The following MACROD2 variants were observed in gnomAD, a reference collection of about 807,000 sequenced individuals.
MACROD2 encodes the protein mono-ADP ribosylhydrolase 2.
Under a neutral mutation model 70.4 loss-of-function variants are expected in MACROD2, and 36 were observed. That is an observed-to-expected ratio of 0.51 (90% CI 0.39 to 0.68). MACROD2 has a LOEUF of 0.68. Among genes scored for constraint, MACROD2 ranks in the 30% least tolerant of loss-of-function variants. The probability of loss-of-function intolerance (pLI) is 0.00; values close to 1 mark genes in which losing one functional copy is unlikely to be tolerated. For synonymous variants in MACROD2, 172 were observed against 178.8 expected, an observed-to-expected ratio of 0.96 and a Z score of 0.30; for missense variants, 496 against 538.4, an observed-to-expected ratio of 0.92 and a Z score of 0.78.
At chr20:14,761,047 C>T (rs62204774) in intron 5 of MACROD2, among the ~76,000 whole-genome samples, 8,736 of 152,120 alleles carry the variant, frequency 0.057, 363 homozygotes, top group Middle Eastern at 0.085. Context: ...ACCTCCTCAT[C>T]GCACAGCTCA....
intron 5 of MACROD2, among the ~76,000 whole-genome samples, chr20:14,794,509 A>G (rs1342691707): frequency 6.6e-6 from 1 of 152,156 alleles, no homozygotes; most frequent in Non-Finnish European, 1.5e-5. Flanking sequence ...TATTAAATGC[A>G]AACACTTTTC....
At chr20:15,401,211 TG>T (rs760051528) in intron 6 of MACROD2, among the ~76,000 whole-genome samples, 48 of 152,200 alleles carry the variant, frequency 3.2e-4, no homozygotes, top group South Asian at 6.2e-4. Context: ...CTAATTTTTT[TG>T]TATTTTTAGT....
intron 5 of MACROD2, among the ~76,000 whole-genome samples, chr20:14,931,650 A>G (rs1219481670): frequency 6.6e-6 from 1 of 152,144 alleles, no homozygotes; most frequent in Non-Finnish European, 1.5e-5. Context: ...AATAAATATC[A>G]TCCCTCCCAC....
intron 15 of MACROD2, among the ~76,000 whole-genome samples, chr20:16,014,706 C>T (rs1359455747): frequency 3.3e-5 from 5 of 152,196 alleles, no homozygotes. Flanking sequence ...GGTTTCAATA[C>T]ACCTGACCTT....
intron 4 of MACROD2, among the ~76,000 whole-genome samples, chr20:14,542,712 A>G (rs1354656986): frequency 6.6e-6 from 1 of 152,202 alleles, no homozygotes; most frequent in Non-Finnish European, 1.5e-5. Flanking sequence ...AGATTAATAG[A>G]TATGTGATAA....
chr20:15,268,215 T>C (rs1412761924), intron 6 of MACROD2, among the ~76,000 whole-genome samples: 1 of 152,128 alleles, frequency 6.6e-6, no homozygotes, highest in East Asian at 1.9e-4. Flanking sequence ...GAACAGGTGT[T>C]CAAGATTAGT....
chr20:15,170,568 C>T (rs2076415762), intron 5 of MACROD2, among the ~76,000 whole-genome samples: 1 of 152,078 alleles, frequency 6.6e-6, no homozygotes, highest in African/African-American at 2.4e-5. Flanking sequence ...CATGCTGGCT[C>T]CTCACCATCT....
At chr20:14,652,940 T>C (rs1366548253) in intron 4 of MACROD2, among the ~76,000 whole-genome samples, 1 of 152,200 alleles carries the variant, frequency 6.6e-6, no homozygotes, top group African/African-American at 2.4e-5. Context: ...TATAGCAATA[T>C]GGTGAGGACT....
At chr20:15,154,267 G>A (rs578116671) in intron 5 of MACROD2, among the ~76,000 whole-genome samples, 10 of 152,202 alleles carry the variant, frequency 6.6e-5, no homozygotes, top group East Asian at 5.8e-4. Context: ...ATTCCTCACC[G>A]TCACTTGCAG....
At chr20:15,706,064 G>A (rs2050527304) in intron 8 of MACROD2, among the ~76,000 whole-genome samples, 1 of 152,128 alleles carries the variant, frequency 6.6e-6, no homozygotes, top group African/African-American at 2.4e-5. Flanking sequence ...GTTGTTACAT[G>A]CCTGCCTTAT....
At chr20:15,084,062 T>G (rs1245982794) in intron 5 of MACROD2, among the ~76,000 whole-genome samples, 1 of 81,712 alleles carries the variant, frequency 1.2e-5, no homozygotes, top group Non-Finnish European at 2.6e-5. Context: ...ACACTAGGTT[T>G]TTTTTTTTTG....
rs187225195 is a variant in MACROD2, at chr20:14,666,452, A to G, written c.302-18391A>G. Among the ~76,000 whole-genome samples the G allele has an allele frequency of 3.3e-5, 5 of 152,264 alleles. No homozygotes were observed. In the East Asian group the frequency reaches 9.6e-4, roughly 29 times the overall value. ...TTTTGATTTCTGTGCGACAGAGCTC[A>G]GTAGTAAATTGTCCTTACCATCCCT... is the stretch of plus-strand genomic sequence containing the variant. On this transcript the variant is annotated intron_variant, in intron 4 of 17. Transcript: ENST00000684519.
chr20:15,293,317 C>T (rs1341752102), intron 6 of MACROD2, among the ~76,000 whole-genome samples: 2 of 152,162 alleles, frequency 1.3e-5, no homozygotes, highest in Non-Finnish European at 2.9e-5. Context: ...TAACACACTG[C>T]CATATCTTTG....
In MACROD2 at chr20:14,646,043, A is replaced by C. The variant is rs193232063; in HGVS notation, c.302-38800A>C. Among the ~76,000 whole-genome samples the C allele has an allele frequency of 3.4e-4, 52 of 150,822 alleles. 1 individual carries two copies. The East Asian group carries it at 9.7e-3, about 28-fold the overall frequency. The stretch of plus-strand genomic sequence containing the variant: ...AAATAACTTATATATTAAATAAATA[A>C]GTTATAAGAAATACCATATATTAAA... On this transcript the variant is annotated intron_variant, in intron 4 of 17. Transcript: ENST00000684519.
intron 7 of MACROD2, among the ~76,000 whole-genome samples, chr20:15,440,785 A>G (rs936943847): frequency 7.2e-5 from 11 of 152,102 alleles, no homozygotes; most frequent in African/African-American, 2.7e-4. Context: ...TTATCACCCT[A>G]ATGGCTCTCC....
chr20:14,376,290 T>C (rs905459725), intron 3 of MACROD2, among the ~76,000 whole-genome samples: 1 of 152,202 alleles, frequency 6.6e-6, no homozygotes, highest in Non-Finnish European at 1.5e-5. Context: ...CTTTACACTT[T>C]TGCTAGTGTC....
intron 8 of MACROD2, among the ~76,000 whole-genome samples, chr20:15,763,126 T>C (rs2051463407): frequency 6.6e-6 from 1 of 152,172 alleles, no homozygotes; most frequent in Non-Finnish European, 1.5e-5. Flanking sequence ...TTTTGGTCTT[T>C]GATGAATTTT....
rs568873713 is a variant in MACROD2, at chr20:14,135,971, A to G, written c.271+50243A>G. Among the ~76,000 whole-genome samples, 17 of 152,306 alleles carry G rather than the reference A, an allele frequency of 1.1e-4. No homozygotes were observed. In the South Asian group the frequency reaches 3.5e-3, roughly 32 times the overall value. On this transcript the variant is annotated intron_variant, in intron 3 of 17. Coordinates refer to ENST00000684519, the MANE Select transcript of MACROD2 (RefSeq NM_001351661.2). Reference sequence around the variant, plus strand: ...ATGCTCACCATTTCAATTCAACATTATGCTGGTCCTAGCCAATGTAATAAA... The same window carrying G: ...ATGCTCACCATTTCAATTCAACATTGTGCTGGTCCTAGCCAATGTAATAAA...
chr20:14,603,430 G>A (rs1435999043), intron 4 of MACROD2, among the ~76,000 whole-genome samples: 3 of 152,192 alleles, frequency 2.0e-5, no homozygotes, highest in Non-Finnish European at 2.9e-5. Flanking sequence ...AAAAAAAGAA[G>A]TGGCTGGATT....
Sources: gnomAD v4.1 joint callset for allele counts (sites outside exome capture counted in the v4.1 genomes callset) on GRCh38, gnomAD v4.1.1 for gene constraint, MANE v1.5 for transcripts, NCBI Gene and HGNC (gene_info 2026-07-23, HGNC 2026-07-21) for gene names.